AFF1: variants seen among roughly 807,000 people sequenced by gnomAD.
AFF1 encodes the protein AF4/FMR2 family member 1.
In AFF1, 48 loss-of-function variants were observed where a neutral mutation model predicts 121.7. The ratio of observed to expected loss-of-function variants is 0.39; its 90% CI spans 0.31 to 0.50. AFF1 has a LOEUF of 0.50. Ranked by LOEUF, AFF1 falls within the 20% of genes least tolerant of loss-of-function variation. The pLI is 0.76. For synonymous variants in AFF1, 613 were observed against 563.0 expected, an observed-to-expected ratio of 1.09 and a Z score of -1.26; for missense variants, 1,523 against 1,511.7, an observed-to-expected ratio of 1.01 and a Z score of -0.12.
At chr4:87,069,841 C>T (rs1392060935) in intron 4 of AFF1, among the ~76,000 whole-genome samples, 3 of 112,214 alleles carry the variant, frequency 2.7e-5, no homozygotes, top group Non-Finnish European at 5.2e-5. Flanking sequence ...TTTTTTGAGA[C>T]GGAGTCTCAC....
chr4:87,105,828 C>G lies in AFF1; in HGVS notation c.1359C>G (p.Ser453=), dbSNP rs746565251. The G allele has an allele frequency of 2.5e-6, 4 of 1,614,122 alleles. No individual in the cohort carries two copies. Among genetic ancestry groups the G allele is most frequent in the Non-Finnish European group, 3.4e-6 (4 of 1,180,020 alleles). Residue 453 remains serine (S), a synonymous_variant, in exon 10 of 21, where the codon TCC becomes TCG. Transcript: ENST00000395146. The part of the protein sequence containing the change: ...DSEQTPEKPP[S]SSAPPSAPQS... ...CCTAGACCCCAGAGAAGCCTCCCTC[C>G]TCATCTGCACCTCCAAGGTACCGTG... is the stretch of plus-strand genomic sequence containing the variant.
At chr4:87,069,854 T>A (rs558658297) in intron 4 of AFF1, among the ~76,000 whole-genome samples, 1 of 147,146 alleles carries the variant, frequency 6.8e-6, no homozygotes, top group South Asian at 2.1e-4. Context: ...AGTCTCACTC[T>A]GTTGCCCAGG....
chr4:87,002,818 G>A (rs1261155528), intron 2 of AFF1, among the ~76,000 whole-genome samples: 4 of 152,150 alleles, frequency 2.6e-5, no homozygotes, highest in African/African-American at 9.7e-5. Flanking sequence ...GGAGCCTCAC[G>A]TGCTTCCTAA....
At chr4:86,990,395 G>C (rs950478880) in intron 2 of AFF1, among the ~76,000 whole-genome samples, 2 of 151,512 alleles carry the variant, frequency 1.3e-5, no homozygotes, top group East Asian at 1.9e-4. Context: ...ATCTCTGGCC[G>C]TCTTCTTTGG....
At chr4:87,052,771 T>C (rs1016574202) in intron 4 of AFF1, among the ~76,000 whole-genome samples, 3 of 151,974 alleles carry the variant, frequency 2.0e-5, no homozygotes, top group East Asian at 3.9e-4. Context: ...ATAGTAGCCA[T>C]GTACGTGGTA....
chr4:87,047,134 C>T lies in AFF1; in HGVS notation c.599C>T (p.Ala200Val). 1 of 1,614,224 alleles carries T rather than the reference C, an allele frequency of 6.2e-7. No individual in the cohort carries two copies. The highest frequency in any genetic ancestry group is 1.1e-5 in the South Asian group (1 of 91,090). ...CACTGTGCTTCGGTGACAGATTCGG[C>T]TCCAGAGAGGGAGCTTTCTCCCTTA... ...GDHCASVTDSAPERELSPLIS... is the reference protein window; with the variant it reads ...GDHCASVTDSVPERELSPLIS... Residue 200 changes from alanine (A) to valine (V), a missense_variant, in exon 4 of 21, where the codon GCT (alanine) becomes GTT (valine). By Grantham distance (64) the Ala-to-Val change is moderately conservative. Around this residue, in one of 5 missense-constraint regions of AFF1, gnomAD observed 369 missense variants for 367.2 expected, o/e 1.00. Transcript: ENST00000395146.
At chr4:86,996,720 A>G (rs1238381735) in intron 2 of AFF1, among the ~76,000 whole-genome samples, 1 of 147,132 alleles carries the variant, frequency 6.8e-6, no homozygotes, top group African/African-American at 2.7e-5. Context: ...AGAATGATCA[A>G]TTAAAACAAA....
intron 11 of AFF1, among the ~76,000 whole-genome samples, chr4:87,114,089 A>G (rs1476719805): frequency 1.3e-5 from 2 of 152,232 alleles, no homozygotes; most frequent in Non-Finnish European, 2.9e-5. Flanking sequence ...TATAATTACC[A>G]TTAGAATATA....
At chr4:87,133,268 TA>T (rs1729005755) in intron 19 of AFF1, among the ~76,000 whole-genome samples, 2 of 152,236 alleles carry the variant, frequency 1.3e-5, no homozygotes. Context: ...CAAGTGTTTT[TA>T]AAGTGAAGCT....
chr4:86,966,861 C>CATA (rs1046314557), intron 2 of AFF1, among the ~76,000 whole-genome samples: 3 of 152,140 alleles, frequency 2.0e-5, no homozygotes, highest in African/African-American at 7.2e-5. Flanking sequence ...TCCAGGGCAC[C>CATA]ATATCTCCTA....
Position 87,136,680 on chromosome 4 carries a change from CT to C in AFF1, c.*980del. On this transcript the variant is annotated 3_prime_UTR_variant, in exon 21 of 21. Transcript: ENST00000395146. ...TAGAGCTGGAATTTGAGGTGCTGATCTGTGGTCTACAGTTATGTGGTAACTC... is the reference window on the plus strand; with the variant it reads ...TAGAGCTGGAATTTGAGGTGCTGATCGTGGTCTACAGTTATGTGGTAACTC... 4.3e-6 allele frequency: 1 copy of C among 230,208 alleles called. No individual in the cohort carries two copies. Among genetic ancestry groups the C allele is most frequent in the Non-Finnish European group, 8.6e-6 (1 of 116,200 alleles). The allele number at this position is 230,208 out of a possible 1,614,324, so 14.3% of individuals were successfully genotyped here. A position where few individuals can be genotyped will look rare whatever the true frequency, so the allele number is the denominator to read the frequency against.
chr4:87,042,611 A>C (rs1171214094), intron 2 of AFF1, among the ~76,000 whole-genome samples: 1 of 152,234 alleles, frequency 6.6e-6, no homozygotes, highest in Non-Finnish European at 1.5e-5. Context: ...GGTGATGGTG[A>C]ATCATAAAAA....
intron 2 of AFF1, among the ~76,000 whole-genome samples, chr4:86,969,319 AAC>A (rs1021288243): frequency 6.6e-6 from 1 of 151,452 alleles, no homozygotes; most frequent in Non-Finnish European, 1.5e-5. Flanking sequence ...CTCTACTAAA[AAC>A]ACAAAAAATT....
rs1004580799 is a variant in AFF1, at chr4:87,124,918, G to A, written c.2467-119G>A. The A allele has an allele frequency of 5.7e-6, 4 of 697,518 alleles. No homozygotes were observed. The African/African-American group carries it at 7.2e-5, about 13-fold the overall frequency. 43.2% of individuals were successfully genotyped at this position (697,518 alleles called of 1,614,324 possible). A position where few individuals can be genotyped will look rare whatever the true frequency, so the allele number is the denominator to read the frequency against. ...TGGTAAGTACTAAGAAGGTTGCTGT[G>A]CGTACAGAGATGTCTCCAAAGGTTC... is the stretch of plus-strand genomic sequence containing the variant. On this transcript the variant is annotated intron_variant, in intron 12 of 20. Coordinates refer to ENST00000395146, the MANE Select transcript of AFF1 (RefSeq NM_001166693.3).
chr4:86,935,530 C>G (rs1455646696), intron 1 of AFF1: 4 of 152,356 alleles, frequency 2.6e-5, no homozygotes, highest in African/African-American at 4.8e-5. Context: ...CGCGCAGCCC[C>G]CAAGTCAGAC....
chr4:86,936,463 C>T (rs1380422431), intron 1 of AFF1: 2 of 152,190 alleles, frequency 1.3e-5, no homozygotes, highest in East Asian at 1.9e-4. Flanking sequence ...AGAGCAAGGT[C>T]GTGCGGTGTG....
At chr4:87,002,608 C>T (rs899766991) in intron 2 of AFF1, among the ~76,000 whole-genome samples, 2 of 150,978 alleles carry the variant, frequency 1.3e-5, no homozygotes, top group South Asian at 2.1e-4. Flanking sequence ...AGGGTTTCAC[C>T]ATGTTGGCCA....
intron 4 of AFF1, among the ~76,000 whole-genome samples, chr4:87,075,982 G>T (rs575116327): frequency 6.6e-6 from 1 of 152,250 alleles, no homozygotes; most frequent in South Asian, 2.1e-4. Flanking sequence ...GCCTTGTGAG[G>T]AATGCAGAGA....
chr4:86,974,901 T>G (rs1023782309), intron 2 of AFF1, among the ~76,000 whole-genome samples: 1 of 152,192 alleles, frequency 6.6e-6, no homozygotes, highest in East Asian at 1.9e-4. Flanking sequence ...TTCCTTACCC[T>G]CTTTCATCTT....
Sources: allele counts gnomAD v4.1 joint callset (sites outside exome capture counted in the v4.1 genomes callset), GRCh38; gene constraint gnomAD v4.1.1; regional missense constraint gnomAD v4.1.1; transcripts MANE v1.5; gene names NCBI Gene and HGNC (gene_info 2026-07-23, HGNC 2026-07-21).